Variants in IQSEC1 observed in about 807,000 individuals in gnomAD.
The protein encoded by IQSEC1 is IQ motif and Sec7 domain ArfGEF 1, also known as IQ motif and SEC7 domain-containing protein 1.
IQSEC1 carries 31 observed loss-of-function variants against 91.0 expected under a neutral mutation model. The observed-to-expected ratio is 0.34, with a 90% confidence interval of 0.26 to 0.46. IQSEC1 has a LOEUF of 0.46. IQSEC1 is among the 20% of genes least tolerant of loss of function. IQSEC1 has a pLI of 1.00. For missense variants in IQSEC1, 1,388 were observed against 1,575.6 expected, an observed-to-expected ratio of 0.88 and a Z score of 2.02; for synonymous variants, 699 against 662.6, an observed-to-expected ratio of 1.05 and a Z score of -0.84.
rs1701597364 is a variant in IQSEC1 at position 12,983,952 on chromosome 3, G to A, written c.24-42087C>T. 6.6e-6 allele frequency among the ~76,000 whole-genome samples: 1 copy of A among 152,178 alleles called. No homozygotes were observed. Among genetic ancestry groups the A allele is most frequent in the African/African-American group, 2.4e-5 (1 of 41,432 alleles). On this transcript the variant is annotated intron_variant, in intron 1 of 13. Coordinates refer to ENST00000613206, the MANE Select transcript of IQSEC1 (RefSeq NM_001134382.3). This position sits in a 1 kb window ranked among gnomAD's most constrained non-coding sequence, Gnocchi z 4.3. ...CAAGGGGGCAGGCAGAGAGGTAAGG[G>A]CCTTTCATACGTGGGTTCTGGGGGA...
chr3:13,025,726 C>A (rs550218211), intron 1 of IQSEC1, among the ~76,000 whole-genome samples: 1 of 152,204 alleles, frequency 6.6e-6, no homozygotes, highest in Non-Finnish European at 1.5e-5. Context: ...ACTCGACTCC[C>A]GCCTGGGGAA....
At chr3:13,025,167 A>G (rs2596910) in intron 1 of IQSEC1, among the ~76,000 whole-genome samples, 141,222 of 152,330 alleles carry the variant, frequency 0.93, 65,663 homozygotes, top group African/African-American at 0.98. Context: ...GTAGGACACA[A>G]GGAGCCCCAG....
chr3:13,109,143 G>T (rs1706199930), intron 2 of IQSEC1, among the ~76,000 whole-genome samples: 1 of 152,168 alleles, frequency 6.6e-6, no homozygotes, highest in South Asian at 2.1e-4. Context: ...TGGTGTACAG[G>T]CATTACCGAG....
rs558347018 is a variant in IQSEC1 at position 13,233,255 on chromosome 3, G to A, written c.272+49456C>T. Among the ~76,000 whole-genome samples the A allele has an allele frequency of 5.3e-5, 8 of 152,316 alleles. No individual in the cohort carries two copies. The South Asian group carries it at 6.2e-4, about 12-fold the overall frequency. On this transcript the variant is annotated intron_variant, in intron 1 of 15. Transcript: ENST00000648114. The stretch of plus-strand genomic sequence containing the variant: ...TCTGGGACAGAGTCTGGGCACCTGC[G>A]TGCCAACAACCACCCCAGGGACCAG...
chr3:13,057,611 G>A (rs1704923207), intron 1 of IQSEC1, among the ~76,000 whole-genome samples: 1 of 152,234 alleles, frequency 6.6e-6, no homozygotes, highest in Admixed American at 6.5e-5. Flanking sequence ...GCCGAGCACA[G>A]ACAGGAGAAG....
At chr3:13,260,690 T>C (rs554523790) in intron 1 of IQSEC1, among the ~76,000 whole-genome samples, 1 of 152,310 alleles carries the variant, frequency 6.6e-6, no homozygotes, top group African/African-American at 2.4e-5. Flanking sequence ...ATGCAGGGAC[T>C]GAGGACACAG....
intron 2 of IQSEC1, among the ~76,000 whole-genome samples, chr3:13,131,566 A>C (rs1343610408): frequency 7.1e-6 from 1 of 140,732 alleles, no homozygotes; most frequent in Non-Finnish European, 1.5e-5. Flanking sequence ...AGCTCACCGC[A>C]ACCTGTAGCT....
chr3:12,997,738 A>G (rs544017817), intron 1 of IQSEC1, among the ~76,000 whole-genome samples: 2 of 152,344 alleles, frequency 1.3e-5, no homozygotes, highest in Admixed American at 6.5e-5. Context: ...TTCCAAATCA[A>G]TAAGAAAAAA....
At position 13,004,720 on chromosome 3, in the gene IQSEC1, G is replaced by A. The variant is rs556475245; in HGVS notation, c.24-62855C>T. 1.0e-3 allele frequency among the ~76,000 whole-genome samples: 152 copies of A among 152,306 alleles called. 2 individuals carry two copies. Among genetic ancestry groups the A allele is most frequent in the African/African-American group, 3.5e-3 (145 of 41,554 alleles). On this transcript the variant is annotated intron_variant, in intron 1 of 13. Transcript: ENST00000613206. ...GTAGGTGGGAGGGAGGGTGGCTGGG[G>A]GCTGTCCAGGTGAGGGGCTGCAGGG... is the stretch of plus-strand genomic sequence containing the variant.
rs1693939479 is a variant in IQSEC1 at position 12,899,058 on chromosome 3, A to T, written c.*1925T>A. 3.0e-6 allele frequency: 1 copy of T among 338,754 alleles called. No individual in the cohort carries two copies. The highest frequency in any genetic ancestry group is 5.5e-6 in the Non-Finnish European group (1 of 181,424). 21.0% of individuals were successfully genotyped at this position (338,754 alleles called of 1,614,324 possible). On this transcript the variant is annotated 3_prime_UTR_variant, in exon 14 of 14. Coordinates refer to ENST00000613206, the MANE Select transcript of IQSEC1 (RefSeq NM_001134382.3). ...TGGGCGGGTTAAAGTCACATTTTTAAAAAGGCTAAACTCTAGATTGCTGTA... is the reference window on the plus strand; with the variant it reads ...TGGGCGGGTTAAAGTCACATTTTTATAAAGGCTAAACTCTAGATTGCTGTA...
intron 6 of IQSEC1, among the ~76,000 whole-genome samples, chr3:12,917,678 G>C (rs574715305): frequency 1.3e-5 from 2 of 152,282 alleles, no homozygotes; most frequent in African/African-American, 4.8e-5. Context: ...CATTTTGACA[G>C]TTTTGAATGG....
At chr3:13,183,579 G>C (rs1448338615) in intron 1 of IQSEC1, among the ~76,000 whole-genome samples, 1 of 151,932 alleles carries the variant, frequency 6.6e-6, no homozygotes, top group Non-Finnish European at 1.5e-5. Context: ...CAAAAAAAAA[G>C]AAAAATGAAA....
intron 1 of IQSEC1, among the ~76,000 whole-genome samples, chr3:13,171,463 A>G (rs765202883): frequency 3.0e-4 from 45 of 152,186 alleles, no homozygotes; most frequent in Non-Finnish European, 2.9e-4. Flanking sequence ...AAGTGATTGT[A>G]ACAGTTAGAC....
intron 2 of IQSEC1, among the ~76,000 whole-genome samples, chr3:13,083,864 C>T (rs1430625022): frequency 2.6e-5 from 4 of 152,252 alleles, no homozygotes; most frequent in African/African-American, 7.2e-5. Context: ...CCGAGCTCAG[C>T]GACTATTTGT....
At chr3:12,995,406 G>A (rs576818912) in intron 1 of IQSEC1, among the ~76,000 whole-genome samples, 5 of 152,354 alleles carry the variant, frequency 3.3e-5, no homozygotes, top group African/African-American at 1.2e-4. Context: ...GATCCAGAAA[G>A]GCACAGACGG....
chr3:13,163,389 T>C (rs1179795605), intron 2 of IQSEC1, among the ~76,000 whole-genome samples: 1 of 152,140 alleles, frequency 6.6e-6, no homozygotes, highest in Non-Finnish European at 1.5e-5. Context: ...CGTGGGCTCT[T>C]AACTGCCTCC....
chr3:13,280,507 C>A (rs574030748), intron 1 of IQSEC1, among the ~76,000 whole-genome samples: 1 of 152,350 alleles, frequency 6.6e-6, no homozygotes, highest in African/African-American at 2.4e-5. Context: ...GAGACTCCAG[C>A]ATTCTCCTTC....
chr3:12,911,595 C>G, intron 10 of IQSEC1, 34 bp downstream of exon 10: 4 of 1,488,588 alleles, frequency 2.7e-6, no homozygotes, highest in Non-Finnish European at 3.8e-6. Flanking sequence ...CTGGGACATG[C>G]GCTCTTCCAG....
intron 1 of IQSEC1, among the ~76,000 whole-genome samples, chr3:13,019,991 C>T (rs1361057576): frequency 2.6e-5 from 4 of 152,166 alleles, no homozygotes; most frequent in South Asian, 4.1e-4. Flanking sequence ...TGTGGGCAAA[C>T]GGCAGCCAAG....
Sources: allele counts gnomAD v4.1 joint callset (sites outside exome capture counted in the v4.1 genomes callset), GRCh38; gene constraint gnomAD v4.1.1; non-coding constraint Gnocchi (gnomAD v3.1); transcripts MANE v1.5; gene names NCBI Gene and HGNC (gene_info 2026-07-23, HGNC 2026-07-21).